NCKAP5: variants seen among roughly 807,000 people sequenced by gnomAD.
The protein encoded by NCKAP5 is nck-associated protein 5.
A neutral mutation model predicts 167.0 loss-of-function variants in NCKAP5; 92 were observed. The ratio of observed to expected loss-of-function variants is 0.55; its 90% confidence interval spans 0.47 to 0.66. The LOEUF (loss-of-function observed/expected upper bound fraction) is 0.66, where lower values mean the gene tolerates loss of function less well. NCKAP5 is among the 30% of genes least tolerant of loss of function. The pLI is 0.00. For missense variants in NCKAP5, 2,378 were observed against 2,315.0 expected (o/e 1.03, Z -0.56); for synonymous variants, 891 against 877.4 (o/e 1.02, Z -0.27).
intron 6 of NCKAP5, among the ~76,000 whole-genome samples, chr2:133,015,353 C>T (rs555017929): frequency 6.5e-5 from 5 of 77,476 alleles, no homozygotes; most frequent in East Asian, 3.2e-4. Flanking sequence ...ATAAAAGAAC[C>T]GAACTCTTTT....
chr2:133,515,359 C>A (rs1683897211), intron 3 of NCKAP5, among the ~76,000 whole-genome samples: 2 of 152,184 alleles, frequency 1.3e-5, no homozygotes, highest in South Asian at 2.1e-4. Flanking sequence ...TAAGCACCCC[C>A]CTACACACTG....
chr2:133,518,908 T>C (rs1195638144), intron 2 of NCKAP5, among the ~76,000 whole-genome samples: 1 of 152,232 alleles, frequency 6.6e-6, no homozygotes, highest in African/African-American at 2.4e-5. Context: ...CTTTGAGATA[T>C]AGAAATTGCT....
intron 4 of NCKAP5, among the ~76,000 whole-genome samples, chr2:133,228,234 A>T (rs1046160008): frequency 6.6e-6 from 1 of 152,166 alleles, no homozygotes; most frequent in Admixed American, 6.5e-5. Flanking sequence ...ATGGGTCGAA[A>T]ATTTATACTT....
intron 3 of NCKAP5, among the ~76,000 whole-genome samples, chr2:133,394,265 G>A (rs908209998): frequency 6.6e-6 from 1 of 152,200 alleles, no homozygotes; most frequent in Admixed American, 6.5e-5. Flanking sequence ...GTGTTTGTGG[G>A]ATGTGTCTAT....
At chr2:133,181,136 C>T (rs866084885) in intron 5 of NCKAP5, among the ~76,000 whole-genome samples, 16 of 149,516 alleles carry the variant, frequency 1.1e-4, no homozygotes, top group Middle Eastern at 6.5e-3. Flanking sequence ...GCAAAAACAA[C>T]ACTATGTGAT....
intron 6 of NCKAP5, among the ~76,000 whole-genome samples, chr2:133,012,072 T>C (rs1043240701): frequency 1.3e-5 from 2 of 152,158 alleles, no homozygotes; most frequent in Non-Finnish European, 2.9e-5. Flanking sequence ...TTTATCCTAA[T>C]GGATGCCTCC....
At chr2:133,537,913 G>C (rs1685883885) in intron 2 of NCKAP5, among the ~76,000 whole-genome samples, 1 of 152,042 alleles carries the variant, frequency 6.6e-6, no homozygotes, top group South Asian at 2.1e-4. Context: ...CAATATCTTA[G>C]CTGCCCACAT....
intron 8 of NCKAP5, among the ~76,000 whole-genome samples, chr2:132,903,069 T>C (rs1316907689): frequency 1.3e-5 from 2 of 152,166 alleles, no homozygotes; most frequent in African/African-American, 2.4e-5. Context: ...GTAAAAACAG[T>C]ACCTGGATCA....
chr2:132,804,484 TGA>T (rs1351677778), intron 11 of NCKAP5, among the ~76,000 whole-genome samples: 1 of 152,238 alleles, frequency 6.6e-6, no homozygotes, highest in Non-Finnish European at 1.5e-5. Context: ...TCTGACTTTC[TGA>T]AGATTTTGCC....
chr2:132,963,097 T>G (rs1252715740), intron 8 of NCKAP5, among the ~76,000 whole-genome samples: 1 of 151,928 alleles, frequency 6.6e-6, no homozygotes, highest in African/African-American at 2.4e-5. Context: ...CTTTGATGAC[T>G]GCTATAAAAA....
chr2:132,717,905 A>T (rs980568343), intron 19 of NCKAP5, among the ~76,000 whole-genome samples: 1 of 152,202 alleles, frequency 6.6e-6, no homozygotes, highest in Non-Finnish European at 1.5e-5. Context: ...TGGAGAGGGC[A>T]TGCTGGAAAC....
At chr2:132,822,607 G>C (rs1002021080) in intron 11 of NCKAP5, among the ~76,000 whole-genome samples, 1 of 152,142 alleles carries the variant, frequency 6.6e-6, no homozygotes, top group Non-Finnish European at 1.5e-5. Flanking sequence ...ACCCAAATGA[G>C]AAAGAACCAG....
At chr2:133,523,655 G>A (rs761913405) in intron 2 of NCKAP5, among the ~76,000 whole-genome samples, 3 of 152,056 alleles carry the variant, frequency 2.0e-5, no homozygotes, top group African/African-American at 4.8e-5. Context: ...GATGTTTTCC[G>A]GTCAGCTTCG....
chr2:133,085,981 C>A (rs1217929443), intron 6 of NCKAP5, among the ~76,000 whole-genome samples: 1 of 152,148 alleles, frequency 6.6e-6, no homozygotes, highest in Non-Finnish European at 1.5e-5. Context: ...CAAAAATTCC[C>A]AAGAGATTGA....
chr2:133,563,005 AG>A (rs1688276303), intron 1 of NCKAP5, among the ~76,000 whole-genome samples: 1 of 152,218 alleles, frequency 6.6e-6, no homozygotes. Context: ...GAAGGCTATA[AG>A]GTACTTTGTG....
chr2:133,566,557 T>C (rs1688567744), intron 1 of NCKAP5, among the ~76,000 whole-genome samples: 1 of 152,210 alleles, frequency 6.6e-6, no homozygotes, highest in African/African-American at 2.4e-5. Flanking sequence ...CCTTCATCTG[T>C]ACACCTGCAC....
At chr2:132,985,283 A>T (rs950504431) in intron 7 of NCKAP5, among the ~76,000 whole-genome samples, 1 of 152,176 alleles carries the variant, frequency 6.6e-6, no homozygotes, top group Non-Finnish European at 1.5e-5. Context: ...GTCAGAACCC[A>T]TTAAACCAGG....
At chr2:133,340,288 T>C (rs899516139) in intron 3 of NCKAP5, among the ~76,000 whole-genome samples, 2 of 152,180 alleles carry the variant, frequency 1.3e-5, no homozygotes, top group African/African-American at 4.8e-5. Context: ...CTAGCTCTCA[T>C]TTTAGTAATG....
intron 11 of NCKAP5, 43 bp downstream of exon 11, chr2:132,860,449 T>C (rs1689802675): frequency 1.3e-6 from 2 of 1,548,344 alleles, no homozygotes; most frequent in African/African-American, 1.4e-5. Context: ...TTCCTGTCAA[T>C]AGCATTTCAG....
Sources: allele counts gnomAD v4.1 joint callset (sites outside exome capture counted in the v4.1 genomes callset), GRCh38; gene constraint gnomAD v4.1.1; transcripts MANE v1.5; gene names NCBI Gene and HGNC (gene_info 2026-07-23, HGNC 2026-07-21).